PTPRK: variants seen among roughly 807,000 people sequenced by gnomAD.
The protein encoded by PTPRK is protein tyrosine phosphatase receptor type K, also known as receptor-type tyrosine-protein phosphatase kappa.
In PTPRK, 75 loss-of-function variants were observed where a neutral mutation model predicts 178.0. The ratio of observed to expected loss-of-function variants is 0.42; its 90% CI spans 0.35 to 0.51. The LOEUF (loss-of-function observed/expected upper bound fraction) is 0.51, where lower values mean the gene tolerates loss of function less well. PTPRK is among the 20% of genes least tolerant of loss of function. PTPRK has a pLI of 0.02. For synonymous variants in PTPRK, 637 were observed against 620.6 expected (o/e 1.03, Z -0.39); for missense variants, 1,441 against 1,797.8 (o/e 0.80, Z 3.59).
chr6:128,427,153 C>G (rs984162203), intron 1 of PTPRK, among the ~76,000 whole-genome samples: 4 of 152,226 alleles, frequency 2.6e-5, no homozygotes, highest in African/African-American at 9.6e-5. Context: ...CTCAGTGCCA[C>G]TCTATGCGCC....
chr6:128,262,363 T>C (rs752888459), intron 3 of PTPRK, among the ~76,000 whole-genome samples: 1 of 152,190 alleles, frequency 6.6e-6, no homozygotes, highest in Non-Finnish European at 1.5e-5. Flanking sequence ...AGAATCACAC[T>C]GACAGACTTA....
At chr6:128,329,075 A>G (rs571810724) in intron 2 of PTPRK, among the ~76,000 whole-genome samples, 1 of 152,296 alleles carries the variant, frequency 6.6e-6, no homozygotes, top group South Asian at 2.1e-4. Flanking sequence ...ATCACCTGAA[A>G]GAGTATGAGG....
At chr6:128,395,918 G>A (rs144677949) in intron 2 of PTPRK, among the ~76,000 whole-genome samples, 8 of 152,106 alleles carry the variant, frequency 5.3e-5, no homozygotes, top group East Asian at 1.9e-4. Flanking sequence ...TACACATCAC[G>A]GGGGAACCAA....
At chr6:128,056,315 G>C (rs1193365811) in intron 13 of PTPRK, among the ~76,000 whole-genome samples, 3 of 151,942 alleles carry the variant, frequency 2.0e-5, no homozygotes, top group African/African-American at 7.3e-5. Context: ...TCTGTTCAAT[G>C]CTATATCTAC....
chr6:128,359,918 A>G (rs1187117858), intron 2 of PTPRK, among the ~76,000 whole-genome samples: 1 of 152,166 alleles, frequency 6.6e-6, no homozygotes, highest in East Asian at 1.9e-4. Flanking sequence ...TTTAGTCTAG[A>G]GTCAAAGGAA....
At chr6:128,009,023 T>G in intron 14 of PTPRK, 107 bp downstream of exon 14, 1 of 1,031,752 alleles carries the variant, frequency 9.7e-7, no homozygotes. Flanking sequence ...AAATTAAAAT[T>G]TTCTTCCTGT....
chr6:128,304,786 C>T (rs778195459), intron 3 of PTPRK, among the ~76,000 whole-genome samples: 4 of 152,196 alleles, frequency 2.6e-5, no homozygotes, highest in Non-Finnish European at 5.9e-5. Flanking sequence ...TCAGCACATG[C>T]TCCCTAGTCC....
chr6:128,441,279 C>T (rs1314210852), intron 1 of PTPRK, among the ~76,000 whole-genome samples: 1 of 152,004 alleles, frequency 6.6e-6, no homozygotes, highest in African/African-American at 2.4e-5. Context: ...TCCATGTTTT[C>T]TAAGGAGACT....
intron 7 of PTPRK, among the ~76,000 whole-genome samples, chr6:128,172,615 A>C (rs575567539): frequency 6.6e-6 from 1 of 151,176 alleles, no homozygotes; most frequent in East Asian, 1.9e-4. Context: ...ATATGTAGAT[A>C]TATATATATA....
intron 7 of PTPRK, among the ~76,000 whole-genome samples, chr6:128,150,829 T>C (rs1262308112): frequency 1.3e-5 from 2 of 152,256 alleles, no homozygotes; most frequent in East Asian, 3.9e-4. Context: ...TCTGTGTTAC[T>C]CATCATTATA....
chr6:128,216,296 G>A (rs557731101), intron 6 of PTPRK, among the ~76,000 whole-genome samples: 34 of 152,158 alleles, frequency 2.2e-4, no homozygotes, highest in African/African-American at 7.9e-4. Flanking sequence ...CAGCACTTTG[G>A]GAGGCTGAGA....
chr6:128,073,858 C>T (rs1038427364), intron 11 of PTPRK, among the ~76,000 whole-genome samples: 1 of 151,966 alleles, frequency 6.6e-6, no homozygotes, highest in African/African-American at 2.4e-5. Context: ...AGATTATTTC[C>T]ATCTCTAGTT....
intron 18 of PTPRK, among the ~76,000 whole-genome samples, chr6:127,994,026 A>G (rs1776879464): frequency 6.6e-6 from 1 of 151,718 alleles, no homozygotes; most frequent in South Asian, 2.1e-4. Flanking sequence ...TGATTTTTTT[A>G]TTCTAAAAAT....
intron 3 of PTPRK, among the ~76,000 whole-genome samples, chr6:128,281,121 T>G (rs1821601117): frequency 1.3e-5 from 2 of 152,132 alleles, no homozygotes; most frequent in Non-Finnish European, 1.5e-5. Flanking sequence ...GAAAGGCAGT[T>G]TGATATCCTG....
At chr6:128,453,787 T>C (rs1000260852) in intron 1 of PTPRK, among the ~76,000 whole-genome samples, 1 of 152,112 alleles carries the variant, frequency 6.6e-6, no homozygotes, top group Non-Finnish European at 1.5e-5. Flanking sequence ...CCAAGCTGCA[T>C]GTAAGAATCA....
intron 2 of PTPRK, among the ~76,000 whole-genome samples, chr6:128,345,142 T>G (rs1832257007): frequency 6.6e-6 from 1 of 152,036 alleles, no homozygotes; most frequent in Non-Finnish European, 1.5e-5. Context: ...TTTTTCCACT[T>G]ATATATCATA....
chr6:128,337,625 T>C (rs1484898493), intron 2 of PTPRK, among the ~76,000 whole-genome samples: 1 of 152,192 alleles, frequency 6.6e-6, no homozygotes, highest in African/African-American at 2.4e-5. Context: ...AGGATGAATC[T>C]GAAATACTCT....
At chr6:128,343,361 G>T (rs555087809) in intron 2 of PTPRK, among the ~76,000 whole-genome samples, 3 of 151,776 alleles carry the variant, frequency 2.0e-5, no homozygotes, top group Non-Finnish European at 4.4e-5. Context: ...TTAGCTGGGC[G>T]TGGCAGTGGG....
chr6:128,120,674 G>C (rs1402070597), intron 7 of PTPRK, among the ~76,000 whole-genome samples: 1 of 151,896 alleles, frequency 6.6e-6, no homozygotes, highest in African/African-American at 2.4e-5. Flanking sequence ...ACAAGAAAAA[G>C]AAGAAAATGA....
Sources: allele counts gnomAD v4.1 joint callset (sites outside exome capture counted in the v4.1 genomes callset), GRCh38; gene constraint gnomAD v4.1.1; transcripts MANE v1.5; gene names NCBI Gene and HGNC (gene_info 2026-07-23, HGNC 2026-07-21).